Variants in SHROOM4 observed in about 807,000 individuals in gnomAD.
SHROOM4 encodes the protein shroom family member 4, also known as protein Shroom4.
In SHROOM4, 17 loss-of-function variants were observed where a neutral mutation model predicts 80.3. The ratio of observed to expected loss-of-function variants is 0.21; its 90% CI spans 0.14 to 0.32. The LOEUF is 0.32. Among genes scored for constraint, SHROOM4 ranks in the 10% least tolerant of loss-of-function variants. SHROOM4 has a pLI of 1.00. For missense variants in SHROOM4, 993 were observed against 1,140.3 expected (o/e 0.87, Z 1.86); for synonymous variants, 400 against 437.5 (o/e 0.91, Z 1.07).
At chrX:50,774,973 A>T (rs1309410373) in intron 1 of SHROOM4, among the ~76,000 whole-genome samples, 1 of 111,986 alleles carries the variant, frequency 8.9e-6, no homozygotes, top group Non-Finnish European at 1.9e-5. Flanking sequence ...TCATATAATC[A>T]TTCCTTAAAT....
At chrX:50,715,117 T>C (rs782611232) in intron 1 of SHROOM4, among the ~76,000 whole-genome samples, 1 of 111,807 alleles carries the variant, frequency 8.9e-6, no homozygotes, top group Non-Finnish European at 1.9e-5. Flanking sequence ...TATGTTTCTA[T>C]GTTATACAGA....
In SHROOM4 at chrX:50,610,350, T is replaced by TCACA. The variant is rs1182083540; in HGVS notation, c.2958-2167_2958-2166insTGTG. Among the ~76,000 whole-genome samples the TCACA allele has an allele frequency of 8.0e-3, 517 of 64,458 alleles. 9 individuals are homozygous for TCACA. The highest frequency in any genetic ancestry group is 0.04 in the African/African-American group (499 of 12,504). 56.0% of individuals were successfully genotyped at this position (64,458 alleles called of 115,157 possible). ...CTGGCATATTCTCTCTCTCTCTCTC[T>TCACA]CTCACACACACACACACACACACAC... On this transcript the variant is annotated intron_variant, in intron 5 of 8. Coordinates refer to ENST00000376020, the MANE Select transcript of SHROOM4 (RefSeq NM_020717.5).
rs782122572 is a variant in SHROOM4, at chrX:50,607,515, T to C, written c.3627A>G (p.Ala1209=). 36 of 1,208,826 alleles carry C rather than the reference T, an allele frequency of 3.0e-5. No homozygotes were observed. The highest frequency in any genetic ancestry group is 3.8e-5 in the Non-Finnish European group (34 of 894,940). ...QSVPAEQESF[A]LHSSDFLPPI... is the part of the protein sequence containing the mutation. ...GAGGCAAGAAATCACTGGAATGGAG[T>C]GCAAAGGATTCTTGCTCTGCTGGGA... Residue 1209 remains alanine (A), a synonymous_variant, in exon 6 of 9, where the codon GCA becomes GCG. Transcript: ENST00000376020.
chrX:50,602,142 A>G (rs1321768210), intron 7 of SHROOM4, among the ~76,000 whole-genome samples: 1 of 104,220 alleles, frequency 9.6e-6, no homozygotes, highest in Non-Finnish European at 1.9e-5. Context: ...CCCAGGCTGG[A>G]GTGCAGTGGC....
chrX:50,678,283 C>T (rs1251011030), intron 2 of SHROOM4, among the ~76,000 whole-genome samples: 1 of 111,151 alleles, frequency 9.0e-6, no homozygotes, highest in African/African-American at 3.3e-5. Context: ...TCTGATCTAC[C>T]CTGATCTCAT....
At chrX:50,656,770 T>C (rs781916179) in intron 2 of SHROOM4, among the ~76,000 whole-genome samples, 1 of 111,010 alleles carries the variant, frequency 9.0e-6, no homozygotes, top group Non-Finnish European at 1.9e-5. Context: ...GAATTTTTTA[T>C]TCCTGTGAAA....
At chrX:50,787,549 C>T (rs1453939846) in intron 1 of SHROOM4, among the ~76,000 whole-genome samples, 1 of 111,053 alleles carries the variant, frequency 9.0e-6, no homozygotes. Context: ...AATGAACATC[C>T]AGATCCATCA....
chrX:50,653,085 G>A (rs782809856), intron 2 of SHROOM4, among the ~76,000 whole-genome samples: 4 of 111,461 alleles, frequency 3.6e-5, no homozygotes, highest in South Asian at 3.8e-4. Context: ...TTTAAAGTAC[G>A]TTTTTCTAAT....
intron 1 of SHROOM4, among the ~76,000 whole-genome samples, chrX:50,778,251 T>C (rs1056218408): frequency 3.5e-5 from 4 of 112,683 alleles, no homozygotes; most frequent in Non-Finnish European, 7.5e-5. Context: ...ATTCTTCAAT[T>C]ATCACCCAAG....
Position 50,592,348 on chromosome X carries a change from C to A in SHROOM4, c.*4347G>T. 3.9e-6 allele frequency: 1 copy of A among 258,627 alleles called. No homozygotes were observed. The highest frequency in any genetic ancestry group is 7.2e-6 in the Non-Finnish European group (1 of 138,153). 21.3% of individuals were successfully genotyped at this position (258,627 alleles called of 1,213,427 possible). ...TAATAACTTCTTGGATTGTTAGTGGCTTTTATTTATTATTTTCAAGTTACA... is the reference window on the plus strand; with the variant it reads ...TAATAACTTCTTGGATTGTTAGTGGATTTTATTTATTATTTTCAAGTTACA... On this transcript the variant is annotated 3_prime_UTR_variant, in exon 9 of 9. Transcript: ENST00000376020.
At chrX:50,715,109 T>C (rs782363368) in intron 1 of SHROOM4, among the ~76,000 whole-genome samples, 46 of 111,798 alleles carry the variant, frequency 4.1e-4, no homozygotes, top group Non-Finnish European at 6.8e-4. Context: ...TGCTTATATA[T>C]GTTTCTATGT....
At chrX:50,750,483 A>C (rs1323228056) in intron 1 of SHROOM4, among the ~76,000 whole-genome samples, 2 of 111,561 alleles carry the variant, frequency 1.8e-5, no homozygotes, top group Non-Finnish European at 3.8e-5. Flanking sequence ...GCTGCTCTCG[A>C]ACTCCTGACC....
rs1935963377 is a variant in SHROOM4, at chrX:50,795,122, TATATGATATATATATATATATATG to T, written c.117+18756_117+18779del. On this transcript the variant is annotated intron_variant, in intron 1 of 8. Coordinates refer to ENST00000376020, the MANE Select transcript of SHROOM4 (RefSeq NM_020717.5). ...ATATGATATATATATATGATATATA[TATATGATATATATATATATATATG>T]ATATATATATATATATATATGATAT... 9.8e-4 allele frequency among the ~76,000 whole-genome samples: 5 copies of T among 5,115 alleles called. 1 individual carries two copies. The highest frequency in any genetic ancestry group is 1.4e-3 in the African/African-American group (5 of 3,610). The allele number at this position is 5,115 out of a possible 115,157, so 4.4% of individuals were successfully genotyped here. A position where few individuals can be genotyped will look rare whatever the true frequency, so the allele number is the denominator to read the frequency against.
intron 1 of SHROOM4, among the ~76,000 whole-genome samples, chrX:50,715,105 T>C (rs1933916526): frequency 8.9e-6 from 1 of 111,819 alleles, no homozygotes; most frequent in Non-Finnish European, 1.9e-5. Flanking sequence ...GCTTTGCTTA[T>C]ATATGTTTCT....
intron 1 of SHROOM4, among the ~76,000 whole-genome samples, chrX:50,730,512 A>G (rs1204246634): frequency 8.9e-6 from 1 of 111,783 alleles, no homozygotes; most frequent in Non-Finnish European, 1.9e-5. Flanking sequence ...ACAGTGGCTC[A>G]AGCCTGTAAT....
In SHROOM4 at chrX:50,635,372, G is replaced by A; in HGVS notation, c.701C>T (p.Ala234Val). The A allele has an allele frequency of 8.3e-7, 1 of 1,204,423 alleles. No individual in the cohort carries two copies. The highest frequency in any genetic ancestry group is 1.1e-6 in the Non-Finnish European group (1 of 891,634). ...GCGCCGACTACCTCCTGAGGTCTCA[G>A]CCACATTAGGCCGGCCACTGGGGGC... Reference protein sequence around the residue: ...TKAPSGRPNVAETSGGSRRTN... With the variant: ...TKAPSGRPNVVETSGGSRRTN... Residue 234 changes from alanine (A) to valine (V), a missense_variant, in exon 4 of 9, where the codon GCT becomes GTT. By Grantham distance (64) the Ala-to-Val change is moderately conservative (BLOSUM62 0). Coordinates refer to ENST00000376020, the MANE Select transcript of SHROOM4 (RefSeq NM_020717.5).
At chrX:50,809,802 T>G (rs1414979356) in intron 1 of SHROOM4, among the ~76,000 whole-genome samples, 1 of 111,560 alleles carries the variant, frequency 9.0e-6, no homozygotes, top group Non-Finnish European at 1.9e-5. Flanking sequence ...TAGAAGAGAA[T>G]CCCCATTCCA....
Position 50,589,965 on chromosome X carries a change from C to T in SHROOM4, c.*6730G>A, listed in dbSNP as rs1464462115. Among the ~76,000 whole-genome samples the T allele has an allele frequency of 2.7e-5, 3 of 112,026 alleles. No individual in the cohort carries two copies. The highest frequency in any genetic ancestry group is 3.8e-5 in the Non-Finnish European group (2 of 53,242). ...GTTATTGTTTGGCTTTTTGATATAG[C>T]TATTCTAGTGGGTATGAAGTGGTAT... is the stretch of plus-strand genomic sequence containing the variant. On this transcript the variant is annotated 3_prime_UTR_variant, in exon 9 of 9. Coordinates refer to ENST00000376020, the MANE Select transcript of SHROOM4 (RefSeq NM_020717.5).
chrX:50,760,220 T>C (rs1196248997), intron 1 of SHROOM4, among the ~76,000 whole-genome samples: 2 of 111,424 alleles, frequency 1.8e-5, no homozygotes, highest in African/African-American at 6.5e-5. Context: ...TTTTGCTTCA[T>C]GTATTTTTGG....
Sources: allele counts gnomAD v4.1 joint callset (sites outside exome capture counted in the v4.1 genomes callset), GRCh38; gene constraint gnomAD v4.1.1; transcripts MANE v1.5; gene names NCBI Gene and HGNC (gene_info 2026-07-23, HGNC 2026-07-21).